CDH11: variants seen among roughly 807,000 people sequenced by gnomAD.
CDH11 encodes the protein cadherin-11.
CDH11 carries 11 observed loss-of-function variants against 67.8 expected under a neutral mutation model. The ratio of observed to expected loss-of-function variants is 0.16; its 90% CI spans 0.10 to 0.27. The LOEUF (loss-of-function observed/expected upper bound fraction) is 0.27, where lower values mean the gene tolerates loss of function less well. Ranked by LOEUF, CDH11 falls within the 10% of genes least tolerant of loss-of-function variation. CDH11 has a pLI of 1.00. For synonymous variants in CDH11, 419 were observed against 400.0 expected, an observed-to-expected ratio of 1.05 and a Z score of -0.57; for missense variants, 847 against 1,031.2, an observed-to-expected ratio of 0.82 and a Z score of 2.45.
chr16:65,066,233 C>T (rs901364731), intron 1 of CDH11, among the ~76,000 whole-genome samples: 2 of 152,178 alleles, frequency 1.3e-5, no homozygotes, highest in Middle Eastern at 3.2e-3. Context: ...CAAACTTATC[C>T]TTGTCTTTTA....
chr16:65,036,011 C>T (rs1048208832), intron 2 of CDH11, among the ~76,000 whole-genome samples: 1 of 152,200 alleles, frequency 6.6e-6, no homozygotes, highest in African/African-American at 2.4e-5. Context: ...CTAACAGCAG[C>T]TGATGAGGAT....
intron 8 of CDH11, among the ~76,000 whole-genome samples, chr16:64,980,176 T>C (rs974743371): frequency 3.9e-5 from 6 of 152,076 alleles, no homozygotes; most frequent in African/African-American, 1.4e-4. Context: ...TCATGAAATA[T>C]ACTAAAAACC....
intron 8 of CDH11, chr16:64,981,726 T>C (rs910756155): frequency 4.8e-6 from 1 of 210,038 alleles, no homozygotes; most frequent in Non-Finnish European, 9.4e-6. Context: ...GCAATTACTA[T>C]AATTATTTCA....
Position 64,972,938 on chromosome 16 carries a change from G to C in CDH11, c.1356C>G (p.Ala452=), listed in dbSNP as rs763160539. ...TTKPLDREET[A]WLNITVFAAE... ...CTGCAAAGACAGTGATGTTGAGCCA[G>C]GCTGTTTCCTCTCTATCCAGAGGTT... The change falls in exon 9 of 13, where the codon GCC becomes GCG. Residue 452 remains alanine (A), a synonymous_variant. Coordinates refer to ENST00000268603, the MANE Select transcript of CDH11 (RefSeq NM_001797.4). 7.4e-6 allele frequency: 12 copies of C among 1,613,756 alleles called. No individual in the cohort carries two copies. Among genetic ancestry groups the C allele is most frequent in the Middle Eastern group, 1.6e-4 (1 of 6,084 alleles).
upstream of CDH11, chr16:65,122,123 G>A: frequency 1.9e-6 from 1 of 521,610 alleles, no homozygotes; most frequent in Non-Finnish European, 3.4e-6. Context: ...CGGGCGGGCA[G>A]GCGGGTGCGG....
chr16:64,988,202 G>A lies in CDH11; in HGVS notation c.954C>T (p.Ile318=), dbSNP rs746937018. The A allele has an allele frequency of 6.2e-7, 1 of 1,613,030 alleles. No individual in the cohort carries two copies. Among genetic ancestry groups the A allele is most frequent in the African/African-American group, 1.3e-5 (1 of 74,950 alleles). ...CCTCCTGTGTTTCATAGTCCGTTGTGATTTCAAACGATTCCATACCATCTC... is the reference window on the plus strand; with the variant it reads ...CCTCCTGTGTTTCATAGTCCGTTGTAATTTCAAACGATTCCATACCATCTC... ...VDGDGMESFE[I]TTDYETQEGV... is the part of the protein sequence containing the mutation. The change falls in exon 7 of 13, where the codon ATC becomes ATT. Residue 318 remains isoleucine, a synonymous_variant. Coordinates refer to ENST00000268603, the MANE Select transcript of CDH11 (RefSeq NM_001797.4).
At chr16:65,013,967 CG>C (rs1293400459) in intron 2 of CDH11, among the ~76,000 whole-genome samples, 1 of 152,162 alleles carries the variant, frequency 6.6e-6, no homozygotes, top group Non-Finnish European at 1.5e-5. Context: ...TCTATGAAGG[CG>C]GGGACCTTTT....
intron 11 of CDH11, among the ~76,000 whole-genome samples, chr16:64,953,621 T>G: frequency 6.6e-6 from 1 of 152,204 alleles, no homozygotes; most frequent in East Asian, 1.9e-4. Context: ...GTCACCTGAC[T>G]AGGCTTTACA....
chr16:64,975,948 A>G (rs1056642395), intron 8 of CDH11, among the ~76,000 whole-genome samples: 2 of 152,218 alleles, frequency 1.3e-5, no homozygotes, highest in African/African-American at 4.8e-5. Context: ...ATATGTCAAA[A>G]TGCTCAGAAA....
At chr16:65,114,708 G>A (rs939647234) in intron 1 of CDH11, among the ~76,000 whole-genome samples, 6 of 152,162 alleles carry the variant, frequency 3.9e-5, no homozygotes, top group African/African-American at 7.2e-5. Context: ...AGCCGCAGAT[G>A]GGAAACTGCA....
intron 2 of CDH11, among the ~76,000 whole-genome samples, chr16:65,011,066 G>A (rs959388552): frequency 5.8e-5 from 7 of 120,232 alleles, no homozygotes; most frequent in Non-Finnish European, 8.6e-5. Flanking sequence ...TATATCATGT[G>A]TATATATGTA....
At chr16:65,092,506 G>C (rs1319891779) in intron 1 of CDH11, among the ~76,000 whole-genome samples, 2 of 152,118 alleles carry the variant, frequency 1.3e-5, no homozygotes, top group East Asian at 3.9e-4. Context: ...CCATGCCTTA[G>C]TACCACTTGC....
At chr16:64,959,532 T>C (rs558732256) in intron 11 of CDH11, among the ~76,000 whole-genome samples, 1 of 152,234 alleles carries the variant, frequency 6.6e-6, no homozygotes, top group Admixed American at 6.5e-5. Flanking sequence ...ACCAAGAAGA[T>C]CTATTTATTT....
At chr16:65,122,228 C>A (rs992970421), upstream of CDH11, 5 of 500,916 alleles carry the variant, frequency 1.0e-5, no homozygotes, top group Non-Finnish European at 1.8e-5. Context: ...GCGAGATGGG[C>A]CTCGCAGAGG....
chr16:64,945,593 AT>A lies in CDH11; in HGVS notation c.*2009del. ...TGGATTACAAAAACTATATAAAAAA[AT>A]GAACACAACCTGCAATTATGGAAGT... On this transcript the variant is annotated 3_prime_UTR_variant, in exon 13 of 13. Transcript: ENST00000268603. 2.9e-6 allele frequency: 3 copies of A among 1,032,146 alleles called. No homozygotes were observed. The highest frequency in any genetic ancestry group is 3.5e-6 in the Non-Finnish European group (3 of 857,982). The allele number at this position is 1,032,146 out of a possible 1,614,324, so 63.9% of individuals were successfully genotyped here. A position where few individuals can be genotyped will look rare whatever the true frequency, so the allele number is the denominator to read the frequency against.
chr16:65,054,006 C>A (rs899457819), intron 1 of CDH11, 78 bp from the exon 2 acceptor site: 11 of 420,224 alleles, frequency 2.6e-5, no homozygotes, highest in Non-Finnish European at 5.4e-5. Flanking sequence ...AACACAGTTG[C>A]ATATGACAGA....
At chr16:65,074,155 A>T (rs2142776445) in intron 1 of CDH11, among the ~76,000 whole-genome samples, 1 of 152,276 alleles carries the variant, frequency 6.6e-6, no homozygotes, top group East Asian at 1.9e-4. Context: ...TTTAACTTTC[A>T]TTCCCTTATT....
At chr16:65,000,507 TAA>T (rs1230382643) in intron 3 of CDH11, among the ~76,000 whole-genome samples, 1 of 152,060 alleles carries the variant, frequency 6.6e-6, no homozygotes, top group Non-Finnish European at 1.5e-5. Context: ...TTTAAAATAA[TAA>T]AAAGAGGCCA....
rs1265819265 is a variant in CDH11 at position 64,945,952 on chromosome 16, A to C, written c.*1651T>G. 1 of 1,058,250 alleles carries C rather than the reference A, an allele frequency of 9.4e-7. No individual in the cohort carries two copies. The highest frequency in any genetic ancestry group is 1.6e-5 in the African/African-American group (1 of 60,644). 65.6% of individuals were successfully genotyped at this position (1,058,250 alleles called of 1,614,324 possible). A position where few individuals can be genotyped will look rare whatever the true frequency, so the allele number is the denominator to read the frequency against. On this transcript the variant is annotated 3_prime_UTR_variant, in exon 13 of 13. Transcript: ENST00000268603. ...TGTGACTTTATGTGGTCTTTCCCCA[A>C]GTATTGCTACGTTTTGACCTTTGGC...
Sources: gnomAD v4.1 joint callset for allele counts (sites outside exome capture counted in the v4.1 genomes callset) on GRCh38, gnomAD v4.1.1 for gene constraint, MANE v1.5 for transcripts, NCBI Gene and HGNC (gene_info 2026-07-23, HGNC 2026-07-21) for gene names.